NLGN1: variants seen among roughly 807,000 people sequenced by gnomAD.
The protein encoded by NLGN1 is neuroligin-1.
In NLGN1, 12 loss-of-function variants were observed where a neutral mutation model predicts 65.5. The ratio of observed to expected loss-of-function variants is 0.18; its 90% CI spans 0.12 to 0.30. The LOEUF (loss-of-function observed/expected upper bound fraction) is 0.30. Ranked by LOEUF, NLGN1 falls within the 10% of genes least tolerant of loss-of-function variation. The probability of loss-of-function intolerance (pLI) is 1.00; values close to 1 mark genes in which losing one functional copy is unlikely to be tolerated. For missense variants in NLGN1, 750 were observed against 1,007.1 expected (o/e 0.74, Z 3.46); for synonymous variants, 350 against 359.5 (o/e 0.97, Z 0.30).
chr3:174,285,233 A>G (rs1268842112), exon 7 of NLGN1: 1 of 151,504 alleles, frequency 6.6e-6, no homozygotes, highest in Non-Finnish European at 1.5e-5. Flanking sequence ...CAAATATGGC[A>G]GTCTTTTGAT....
intron 4 of NLGN1, among the ~76,000 whole-genome samples, chr3:174,181,111 G>A (rs1366412443): frequency 2.0e-5 from 3 of 152,026 alleles, no homozygotes; most frequent in African/African-American, 7.2e-5. Flanking sequence ...AACCACATCC[G>A]GGACACTTTA....
At chr3:174,232,577 C>T (rs955856364) in intron 4 of NLGN1, among the ~76,000 whole-genome samples, 2 of 152,158 alleles carry the variant, frequency 1.3e-5, no homozygotes, top group African/African-American at 2.4e-5. Context: ...TTCCCAAATA[C>T]TTACAGAAAT....
intron 4 of NLGN1, among the ~76,000 whole-genome samples, chr3:174,226,548 G>A (rs149539993): frequency 6.6e-6 from 1 of 152,154 alleles, no homozygotes. Flanking sequence ...CAACGTTGGG[G>A]AACTATTGAA....
chr3:173,462,021 T>C (rs1474247703), intron 2 of NLGN1, among the ~76,000 whole-genome samples: 1 of 152,202 alleles, frequency 6.6e-6, no homozygotes, highest in Non-Finnish European at 1.5e-5. Flanking sequence ...TAAGTTATTA[T>C]CAATTGCAGA....
intron 2 of NLGN1, among the ~76,000 whole-genome samples, chr3:173,562,960 A>G (rs567769218): frequency 1.4e-4 from 21 of 152,276 alleles, no homozygotes; most frequent in African/African-American, 4.8e-4. Context: ...TGAACTATTT[A>G]TCTCACCAAA....
chr3:174,140,628 C>T (rs567644751), intron 4 of NLGN1, among the ~76,000 whole-genome samples: 1 of 152,198 alleles, frequency 6.6e-6, no homozygotes, highest in African/African-American at 2.4e-5. Flanking sequence ...CAGCAATGGG[C>T]TTAGCCATTA....
chr3:173,514,268 G>T (rs1469934810), intron 2 of NLGN1, among the ~76,000 whole-genome samples: 1 of 152,096 alleles, frequency 6.6e-6, no homozygotes, highest in African/African-American at 2.4e-5. Context: ...TAGGGTACAG[G>T]TGGTTTTTGG....
chr3:173,727,172 A>G (rs920570504), intron 3 of NLGN1, among the ~76,000 whole-genome samples: 4 of 152,132 alleles, frequency 2.6e-5, no homozygotes, highest in Non-Finnish European at 5.9e-5. Context: ...GCAACAGTGA[A>G]ACATCAGAGG....
At chr3:174,157,311 CCT>C (rs544095188) in intron 4 of NLGN1, among the ~76,000 whole-genome samples, 115 of 151,732 alleles carry the variant, frequency 7.6e-4, no homozygotes, top group African/African-American at 2.4e-3. Context: ...CGTTTTTCCC[CCT>C]CTTTCTCATC....
chr3:173,486,711 C>T (rs1019376500), intron 2 of NLGN1, among the ~76,000 whole-genome samples: 1 of 152,160 alleles, frequency 6.6e-6, no homozygotes, highest in African/African-American at 2.4e-5. Context: ...CTATTTTATC[C>T]TTCCACACTC....
At chr3:174,131,078 T>C (rs1043664470) in intron 4 of NLGN1, among the ~76,000 whole-genome samples, 3 of 152,194 alleles carry the variant, frequency 2.0e-5, no homozygotes, top group African/African-American at 7.2e-5. Flanking sequence ...AAATTTCATC[T>C]CTCTAGTAAG....
chr3:173,600,837 A>C (rs1453314021), intron 2 of NLGN1, among the ~76,000 whole-genome samples: 1 of 151,620 alleles, frequency 6.6e-6, no homozygotes, highest in Non-Finnish European at 1.5e-5. Flanking sequence ...GCACATTGTA[A>C]ATATCTAATG....
chr3:174,204,266 C>T lies in NLGN1; in HGVS notation c.647-71049C>T, dbSNP rs570022264. 2.6e-4 allele frequency among the ~76,000 whole-genome samples: 40 copies of T among 152,026 alleles called. No homozygotes were observed. The South Asian group carries it at 8.1e-3, about 31-fold the overall frequency. On this transcript the variant is annotated intron_variant, in intron 4 of 6. Coordinates refer to ENST00000457714, the Ensembl canonical transcript of NLGN1. ...GAGCAATTTTGTTGTTCTTTAAAAA[C>T]AATTAATCAGAATAGATTTTAACAT...
rs941998738 is a variant in NLGN1, at chr3:174,280,741, G to A, written c.1910G>A (p.Arg637Lys). Reference sequence around the variant, plus strand: ...GTGCCATCAACTGACATCACTTTCAGACCTACGAGAAAAAATTCTGTACCT... The same window carrying A: ...GTGCCATCAACTGACATCACTTTCAAACCTACGAGAAAAAATTCTGTACCT... Residue 637 changes from arginine (R) to lysine (K), a missense_variant, in exon 7 of 7, where the codon AGA becomes AAA. By Grantham distance (26) the Arg-to-Lys change is conservative (BLOSUM62 2). Transcript: ENST00000457714. This position sits in a 1 kb window ranked among gnomAD's most constrained non-coding sequence, Gnocchi z 4.9. 6.2e-7 allele frequency: 1 copy of A among 1,613,242 alleles called. No individual in the cohort carries two copies. Among genetic ancestry groups the A allele is most frequent in the Non-Finnish European group, 8.5e-7 (1 of 1,179,538 alleles).
chr3:173,989,841 G>A (rs1312801631), intron 4 of NLGN1, among the ~76,000 whole-genome samples: 1 of 152,136 alleles, frequency 6.6e-6, no homozygotes, highest in Non-Finnish European at 1.5e-5. Context: ...AAACCAAGAA[G>A]GGAGGGAAGG....
At chr3:174,256,605 T>G (rs989467325) in intron 4 of NLGN1, among the ~76,000 whole-genome samples, 10 of 152,118 alleles carry the variant, frequency 6.6e-5, no homozygotes, top group African/African-American at 2.4e-4. Flanking sequence ...TATGTGAGAT[T>G]ATTTAGTACT....
intron 2 of NLGN1, among the ~76,000 whole-genome samples, chr3:173,464,265 G>A (rs1304677711): frequency 6.6e-6 from 1 of 152,052 alleles, no homozygotes; most frequent in African/African-American, 2.4e-5. Flanking sequence ...TTTTATAGAT[G>A]TGGAAACTGA....
intron 4 of NLGN1, among the ~76,000 whole-genome samples, chr3:174,068,589 A>C (rs1739163399): frequency 6.6e-6 from 1 of 152,192 alleles, no homozygotes; most frequent in African/African-American, 2.4e-5. Context: ...ACTCAGAATT[A>C]GCTAAATATT....
At chr3:174,165,565 A>G (rs1727336529) in intron 4 of NLGN1, among the ~76,000 whole-genome samples, 1 of 152,094 alleles carries the variant, frequency 6.6e-6, no homozygotes, top group Non-Finnish European at 1.5e-5. Flanking sequence ...ATCATGGTGA[A>G]TTAGCTTTTT....
Sources: allele counts gnomAD v4.1 joint callset (sites outside exome capture counted in the v4.1 genomes callset), GRCh38; gene constraint gnomAD v4.1.1; non-coding constraint Gnocchi (gnomAD v3.1); transcripts MANE v1.5; gene names NCBI Gene and HGNC (gene_info 2026-07-23, HGNC 2026-07-21).